The following MARK4 variants were observed in gnomAD, a reference collection of about 807,000 sequenced individuals.
MARK4 encodes the protein microtubule affinity regulating kinase 4, also known as MAP/microtubule affinity-regulating kinase 4.
MARK4 carries 19 observed loss-of-function variants against 81.5 expected under a neutral mutation model. That is an observed-to-expected ratio of 0.23 (90% CI 0.16 to 0.34). MARK4 has a LOEUF of 0.34. MARK4 is among the 10% of genes least tolerant of loss of function. The pLI is 1.00. For synonymous variants in MARK4, 436 were observed against 439.0 expected (o/e 0.99, Z 0.08); for missense variants, 772 against 1,058.8 (o/e 0.73, Z 3.76).
Position 45,304,238 on chromosome 19 carries a change from C to G in MARK4, c.*1528C>G, listed in dbSNP as rs960294325. 6.6e-6 allele frequency: 1 copy of G among 152,216 alleles called. No individual in the cohort carries two copies. The highest frequency in any genetic ancestry group is 1.5e-5 in the Non-Finnish European group (1 of 68,056). 9.4% of individuals were successfully genotyped at this position (152,216 alleles called of 1,614,324 possible). Reference sequence around the variant, plus strand: ...CAGTTAGAAGTTTCTATCCCTCCAGCTTTCTGCAGCAGAAAGACCCTCATT... The same window carrying G: ...CAGTTAGAAGTTTCTATCCCTCCAGGTTTCTGCAGCAGAAAGACCCTCATT... On this transcript the variant is annotated 3_prime_UTR_variant, in exon 17 of 17. Transcript: ENST00000262891.
chr19:45,269,363 A>G (rs1270151116), intron 7 of MARK4, among the ~76,000 whole-genome samples: 1 of 152,200 alleles, frequency 6.6e-6, no homozygotes, highest in Non-Finnish European at 1.5e-5. Context: ...TGGGTGACAG[A>G]GTGAGACTCC....
chr19:45,273,743 T>C (rs1343151171), intron 8 of MARK4, among the ~76,000 whole-genome samples: 2 of 152,240 alleles, frequency 1.3e-5, no homozygotes, highest in African/African-American at 2.4e-5. Flanking sequence ...ATTCTGCAGC[T>C]GGGACGCTCT....
rs182505448 is a variant in MARK4 at position 45,294,182 on chromosome 19, C to T, written c.1495-167C>T. The stretch of plus-strand genomic sequence containing the variant: ...CTCAGCCTCGGTGGCTGGGATTACT[C>T]ATGAACCTTTCACATCTTTGGGACC... On this transcript the variant is annotated intron_variant, in intron 13 of 16. Coordinates refer to ENST00000262891, the MANE Select transcript of MARK4 (RefSeq NM_001199867.2). Among the ~76,000 whole-genome samples, 180 of 152,234 alleles carry T rather than the reference C, an allele frequency of 1.2e-3. 1 individual carries two copies. The highest frequency in any genetic ancestry group is 2.6e-4 in the Non-Finnish European group (18 of 68,010).
chr19:45,297,945 T>G lies in MARK4; in HGVS notation c.1868T>G (p.Leu623Arg). 1 of 1,545,202 alleles carries G rather than the reference T, an allele frequency of 6.5e-7. No homozygotes were observed. Among genetic ancestry groups the G allele is most frequent in the Non-Finnish European group, 8.7e-7 (1 of 1,144,110 alleles). Residue 623 changes from leucine (L) to arginine (R), a missense_variant, in exon 15 of 17, where the codon CTG becomes CGG. Physicochemically the swap from Leu to Arg is moderately radical, Grantham distance 102. Around this residue, in one of 3 missense-constraint regions of MARK4, gnomAD observed 548 missense variants for 624.3 expected, o/e 0.88. Transcript: ENST00000262891. The part of the protein sequence containing the change: ...TNLFTKLTSK[L>R]TRRVADEPER... ...CTCTTCACCAAGCTGACCTCCAAAC[T>G]GACCCGAAGGTGAGCTCCGCGGGGA...
chr19:45,262,570 T>A (rs1000608973), intron 2 of MARK4, among the ~76,000 whole-genome samples: 2 of 152,180 alleles, frequency 1.3e-5, no homozygotes, highest in African/African-American at 4.8e-5. Flanking sequence ...AGGGATCCCC[T>A]CAAGGTCTCG....
chr19:45,280,866 T>TA, intron 12 of MARK4, 132 bp downstream of exon 12: 1 of 1,301,194 alleles, frequency 7.7e-7, no homozygotes, highest in East Asian at 2.4e-5. Context: ...AGGAATGTCT[T>TA]ATAAAGACAC....
At chr19:45,281,178 G>C (rs1045637025) in intron 12 of MARK4, among the ~76,000 whole-genome samples, 1 of 151,508 alleles carries the variant, frequency 6.6e-6, no homozygotes, top group Non-Finnish European at 1.5e-5. Context: ...TTAGGCTCCC[G>C]AGTAGCTGGG....
intron 1 of MARK4, among the ~76,000 whole-genome samples, chr19:45,257,610 T>A (rs1179214816): frequency 6.6e-6 from 1 of 152,028 alleles, no homozygotes; most frequent in Non-Finnish European, 1.5e-5. Flanking sequence ...TTTCACACTC[T>A]GACCTCAGGT....
chr19:45,262,243 CTT>C (rs900726243), intron 2 of MARK4, among the ~76,000 whole-genome samples: 2 of 151,154 alleles, frequency 1.3e-5, no homozygotes, highest in Non-Finnish European at 2.9e-5. Flanking sequence ...GGGAGGATCA[CTT>C]GAGCCCAGGA....
intron 2 of MARK4, among the ~76,000 whole-genome samples, chr19:45,261,407 T>C (rs1970379145): frequency 6.6e-6 from 1 of 152,204 alleles, no homozygotes; most frequent in Non-Finnish European, 1.5e-5. Context: ...CCTTTGACAA[T>C]TTATTCATGT....
chr19:45,252,773 T>C (rs1970260463), intron 1 of MARK4, among the ~76,000 whole-genome samples: 1 of 152,124 alleles, frequency 6.6e-6, no homozygotes, highest in Non-Finnish European at 1.5e-5. Context: ...CTAGACCCCT[T>C]GACCTTCCCC....
chr19:45,286,403 C>T (rs1970743283), intron 12 of MARK4, among the ~76,000 whole-genome samples: 1 of 147,178 alleles, frequency 6.8e-6, no homozygotes, highest in Admixed American at 6.8e-5. Flanking sequence ...TATTCATAAA[C>T]AAACATGTAA....
chr19:45,299,082 A>G (rs1970930966), intron 15 of MARK4, among the ~76,000 whole-genome samples: 1 of 132,070 alleles, frequency 7.6e-6, no homozygotes, highest in African/African-American at 2.5e-5. Flanking sequence ...AAAAAAAAAA[A>G]AAAAAAAATT....
In MARK4 at chr19:45,252,552, C is replaced by G. The variant is rs563518635; in HGVS notation, c.51+913C>G. Among the ~76,000 whole-genome samples, 146 of 152,022 alleles carry G rather than the reference C, an allele frequency of 9.6e-4. 1 individual carries two copies. The highest frequency in any genetic ancestry group is 3.4e-3 in the African/African-American group (143 of 41,466). On this transcript the variant is annotated intron_variant, in intron 1 of 16. Coordinates refer to ENST00000262891, the MANE Select transcript of MARK4 (RefSeq NM_001199867.2). The stretch of plus-strand genomic sequence containing the variant: ...GACCCCTTCCCCACAAACCACCGTC[C>G]TTTCTCCTGCCCCAGGGCCTCCCCC...
rs1970524074 is a variant in MARK4, at chr19:45,271,340, A to G, written c.550-132A>G. ...AAAGTTACTACCTAAGGTCAGGTAG[A>G]GAGTAAAGGACAGGCCCAAGAGTTG... On this transcript the variant is annotated intron_variant, in intron 7 of 16. Coordinates refer to ENST00000262891, the MANE Select transcript of MARK4 (RefSeq NM_001199867.2). The surrounding 1 kb of genome is among the most constrained non-coding windows in gnomAD (Gnocchi z 4.1). 1 of 797,962 alleles carries G rather than the reference A, an allele frequency of 1.3e-6. No individual in the cohort carries two copies. Among genetic ancestry groups the G allele is most frequent in the Non-Finnish European group, 2.1e-6 (1 of 484,250 alleles). 49.4% of individuals were successfully genotyped at this position (797,962 alleles called of 1,614,324 possible).
Position 45,301,557 on chromosome 19 carries a change from C to CAAAAAAAA in MARK4, c.1923-802_1923-795dup, listed in dbSNP as rs10630193. ...GGGCGACAAGAGCGAAACTCTGTCT[C>CAAAAAAAA]AAAAAAAAAAAAAAAAAAAAAAGCC... is the stretch of plus-strand genomic sequence containing the variant. On this transcript the variant is annotated intron_variant, in intron 16 of 16. Coordinates refer to ENST00000262891, the MANE Select transcript of MARK4 (RefSeq NM_001199867.2). 6.0e-3 allele frequency among the ~76,000 whole-genome samples: 298 copies of CAAAAAAAA among 49,464 alleles called. 35 individuals are homozygous for CAAAAAAAA. Among genetic ancestry groups the CAAAAAAAA allele is most frequent in the Non-Finnish European group, 7.1e-3 (208 of 29,378 alleles). 32.5% of individuals were successfully genotyped at this position (49,464 alleles called of 152,430 possible).
chr19:45,303,151 T>G lies in MARK4; in HGVS notation c.*441T>G. 2 of 193,436 alleles carry G rather than the reference T, an allele frequency of 1.0e-5. No individual in the cohort carries two copies. The allele number at this position is 193,436 out of a possible 1,614,324, so 12.0% of individuals were successfully genotyped here. A position where few individuals can be genotyped will look rare whatever the true frequency, so the allele number is the denominator to read the frequency against. On this transcript the variant is annotated 3_prime_UTR_variant, in exon 17 of 17. Coordinates refer to ENST00000262891, the MANE Select transcript of MARK4 (RefSeq NM_001199867.2). ...GAGAGGCAGATTCCTTCCCCTCCCG[T>G]CCCCTCACGCTCAAACCCCCACTTC...
intron 6 of MARK4, among the ~76,000 whole-genome samples, 198 bp from the exon 7 acceptor site, chr19:45,266,027 G>T (rs1185504762): frequency 2.6e-5 from 4 of 151,966 alleles, no homozygotes; most frequent in Admixed American, 6.6e-5. Context: ...CTGGGCATGG[G>T]GGTGTCCTGG....
At chr19:45,261,248 C>T (rs1970376734) in intron 2 of MARK4, among the ~76,000 whole-genome samples, 1 of 152,084 alleles carries the variant, frequency 6.6e-6, no homozygotes, top group South Asian at 2.1e-4. Context: ...AGAGCAAAAC[C>T]AGACAAGAAA....
Sources: allele counts gnomAD v4.1 joint callset (sites outside exome capture counted in the v4.1 genomes callset), GRCh38; gene constraint gnomAD v4.1.1; regional missense constraint gnomAD v4.1.1; non-coding constraint Gnocchi (gnomAD v3.1); transcripts MANE v1.5; gene names NCBI Gene and HGNC (gene_info 2026-07-23, HGNC 2026-07-21).